The following APBA1 variants were observed in gnomAD, a reference collection of about 807,000 sequenced individuals.
APBA1 encodes the protein amyloid beta precursor protein binding family A member 1.
In APBA1, 55 loss-of-function variants were observed where a neutral mutation model predicts 86.6. The observed-to-expected ratio is 0.64, with a 90% CI of 0.51 to 0.80. The LOEUF is 0.80. Ranked by LOEUF, APBA1 falls within the 30% of genes least tolerant of loss-of-function variation. The pLI, the probability that APBA1 is intolerant of heterozygous loss-of-function variation, is 0.00. For missense variants in APBA1, 1,090 were observed against 1,183.0 expected (o/e 0.92, Z 1.15); for synonymous variants, 511 against 493.9 (o/e 1.03, Z -0.46).
intron 1 of APBA1, among the ~76,000 whole-genome samples, chr9:69,535,725 C>T (rs1836498021): frequency 6.6e-6 from 1 of 152,082 alleles, no homozygotes; most frequent in Non-Finnish European, 1.5e-5. Context: ...TCTATTTCCT[C>T]ATCTTATTTT....
chr9:69,467,687 G>T, intron 5 of APBA1, 136 bp downstream of exon 5: 2 of 1,193,940 alleles, frequency 1.7e-6, no homozygotes, highest in Non-Finnish European at 2.3e-6. Flanking sequence ...GCAGGCACAT[G>T]GATAAGCACT....
intron 1 of APBA1, among the ~76,000 whole-genome samples, chr9:69,670,879 C>T (rs1407051223): frequency 6.6e-6 from 1 of 152,178 alleles, no homozygotes; most frequent in Non-Finnish European, 1.5e-5. Context: ...CACCACCTAG[C>T]TATTGTGACA....
chr9:69,444,585 C>A (rs1834877572), intron 10 of APBA1, among the ~76,000 whole-genome samples: 1 of 152,128 alleles, frequency 6.6e-6, no homozygotes, highest in Non-Finnish European at 1.5e-5. Flanking sequence ...AATGATTGCA[C>A]CCCCTTTAAT....
chr9:69,522,950 T>G (rs915733849), intron 1 of APBA1, among the ~76,000 whole-genome samples: 2 of 151,982 alleles, frequency 1.3e-5, no homozygotes, highest in African/African-American at 4.8e-5. Flanking sequence ...CTGCAAAACA[T>G]GAAGAAGGGG....
At chr9:69,669,995 G>C (rs764001553) in intron 1 of APBA1, among the ~76,000 whole-genome samples, 49 of 152,000 alleles carry the variant, frequency 3.2e-4, no homozygotes, top group Non-Finnish European at 6.3e-4. Context: ...TCTTAGAATG[G>C]CTTTTAAATT....
chr9:69,554,992 A>C (rs1198840639), intron 1 of APBA1, among the ~76,000 whole-genome samples: 2 of 152,192 alleles, frequency 1.3e-5, no homozygotes, highest in Non-Finnish European at 2.9e-5. Context: ...CTGGAGCACA[A>C]CTGATGATTC....
At chr9:69,587,097 T>A (rs1168716807) in intron 1 of APBA1, among the ~76,000 whole-genome samples, 1 of 152,238 alleles carries the variant, frequency 6.6e-6, no homozygotes, top group African/African-American at 2.4e-5. Flanking sequence ...TTTTTGCCAC[T>A]GGCATCCATT....
At position 69,516,543 on chromosome 9, in the gene APBA1, G is replaced by A. The variant is rs746439936; in HGVS notation, c.668C>T (p.Ala223Val). The A allele has an allele frequency of 3.8e-6, 6 of 1,595,384 alleles. No individual in the cohort carries two copies. Among genetic ancestry groups the A allele is most frequent in the South Asian group, 3.3e-5 (3 of 90,510 alleles). Residue 223 changes from alanine to valine, a missense_variant, in exon 2 of 13, where the codon GCG becomes GTG. By Grantham distance (64) the Ala-to-Val change is moderately conservative. This residue lies in a region of APBA1 where 678 missense variants were observed against 647.1 expected (regional missense o/e 1.05). Coordinates refer to ENST00000265381, the MANE Select transcript of APBA1 (RefSeq NM_001163.4). The surrounding 1 kb of genome is among the most constrained non-coding windows in gnomAD (Gnocchi z 7.3). ...LRLYEQERDE[A>V]AAYRQEALGA... ...CAGGGCCTCCTGGCGGTACGCGGCC[G>A]CCTCGTCGCGCTCCTGCTCGTAGAG...
At chr9:69,651,037 TA>T (rs1388866912) in intron 1 of APBA1, among the ~76,000 whole-genome samples, 2 of 152,214 alleles carry the variant, frequency 1.3e-5, no homozygotes, top group Admixed American at 6.5e-5. Flanking sequence ...GGAGAATGGA[TA>T]AACAAATTGT....
Position 69,516,686 on chromosome 9 carries a change from G to A in APBA1, c.525C>T (p.Phe175=). The part of the protein sequence containing the change: ...YSGYVYTHRL[F]HRGEDEPYSE... ...AGTAGGGCTCGTCCTCACCGCGGTG[G>A]AAGAGCCGGTGCGTGTAGACGTAGC... Residue 175 remains phenylalanine, a synonymous_variant, in exon 2 of 13, where the codon TTC becomes TTT. Transcript: ENST00000265381. The surrounding 1 kb of genome is among the most constrained non-coding windows in gnomAD (Gnocchi z 7.3). The A allele has an allele frequency of 6.2e-7, 1 of 1,610,462 alleles. No individual in the cohort carries two copies. Among genetic ancestry groups the A allele is most frequent in the Admixed American group, 1.7e-5 (1 of 59,810 alleles).
intron 1 of APBA1, among the ~76,000 whole-genome samples, chr9:69,630,031 T>C (rs1372220200): frequency 6.7e-6 from 1 of 149,782 alleles, no homozygotes. Flanking sequence ...TATTAACTTA[T>C]ATACCATGTA....
intron 1 of APBA1, among the ~76,000 whole-genome samples, chr9:69,520,510 T>C (rs1588338040): frequency 6.6e-6 from 1 of 152,352 alleles, no homozygotes; most frequent in Non-Finnish European, 1.5e-5. Context: ...TATTAAGCGC[T>C]AATATTTATT....
intron 2 of APBA1, among the ~76,000 whole-genome samples, chr9:69,490,579 GC>G (rs1835692320): frequency 6.6e-6 from 1 of 151,862 alleles, no homozygotes; most frequent in African/African-American, 2.4e-5. Context: ...AAAAGCAATG[GC>G]AACAAAAACC....
At chr9:69,670,163 T>C (rs1333998275) in intron 1 of APBA1, among the ~76,000 whole-genome samples, 1 of 152,064 alleles carries the variant, frequency 6.6e-6, no homozygotes, top group Non-Finnish European at 1.5e-5. Flanking sequence ...TTGAAGAACA[T>C]GGGGAAATTT....
At chr9:69,642,015 T>G (rs1346116579) in intron 1 of APBA1, among the ~76,000 whole-genome samples, 1 of 152,220 alleles carries the variant, frequency 6.6e-6, no homozygotes, top group Non-Finnish European at 1.5e-5. Context: ...CTGGCTAATT[T>G]TTTGTATTTT....
intron 1 of APBA1, among the ~76,000 whole-genome samples, chr9:69,546,462 T>A (rs1218414949): frequency 6.6e-6 from 1 of 152,160 alleles, no homozygotes; most frequent in Non-Finnish European, 1.5e-5. Context: ...GGGAGTAAGA[T>A]AACCAAGAGG....
intron 1 of APBA1, among the ~76,000 whole-genome samples, chr9:69,671,091 C>T (rs2134035641): frequency 6.6e-6 from 1 of 152,240 alleles, no homozygotes; most frequent in South Asian, 2.1e-4. Flanking sequence ...AGAACCAACA[C>T]AAAGACCATC....
intron 1 of APBA1, among the ~76,000 whole-genome samples, chr9:69,636,874 A>AGAAGGAAG (rs1564098892): frequency 1.7e-4 from 14 of 81,794 alleles, no homozygotes; most frequent in Non-Finnish European, 2.7e-4. Flanking sequence ...GGAGAGAGAA[A>AGAAGGAAG]GAAAGAAGGA....
intron 1 of APBA1, among the ~76,000 whole-genome samples, chr9:69,522,151 C>T (rs1057406926): frequency 5.3e-5 from 8 of 151,498 alleles, no homozygotes; most frequent in Admixed American, 3.9e-4. Flanking sequence ...TGGCTTCTAT[C>T]ATTCTGAGTG....
Sources: allele counts gnomAD v4.1 joint callset (sites outside exome capture counted in the v4.1 genomes callset), GRCh38; gene constraint gnomAD v4.1.1; regional missense constraint gnomAD v4.1.1; non-coding constraint Gnocchi (gnomAD v3.1); transcripts MANE v1.5; gene names NCBI Gene and HGNC (gene_info 2026-07-23, HGNC 2026-07-21).